The following SPRED1 variants were observed in gnomAD, a reference collection of about 807,000 sequenced individuals.
The protein encoded by SPRED1 is sprouty related EVH1 domain containing 1.
In SPRED1, 18 loss-of-function variants were observed where a neutral mutation model predicts 52.3. The ratio of observed to expected loss-of-function variants is 0.34; its 90% CI spans 0.24 to 0.51. SPRED1 has a LOEUF of 0.51. SPRED1 is among the 20% of genes least tolerant of loss of function. The pLI is 0.97. For missense variants in SPRED1, 485 were observed against 551.0 expected (o/e 0.88, Z 1.20); for synonymous variants, 155 against 179.7 (o/e 0.86, Z 1.10).
chr15:38,348,168 T>C (rs1215698860), intron 5 of SPRED1, among the ~76,000 whole-genome samples: 1 of 152,096 alleles, frequency 6.6e-6, no homozygotes, highest in African/African-American at 2.4e-5. Flanking sequence ...AATTGTTCTC[T>C]CTGCTTCCTT....
At chr15:38,259,088 T>C (rs984289245) in intron 1 of SPRED1, among the ~76,000 whole-genome samples, 2 of 152,046 alleles carry the variant, frequency 1.3e-5, no homozygotes, top group Non-Finnish European at 1.5e-5. Flanking sequence ...GACTTAAGAG[T>C]AGAAGTGGTA....
chr15:38,262,515 A>T (rs898001091), intron 1 of SPRED1, among the ~76,000 whole-genome samples: 6 of 152,222 alleles, frequency 3.9e-5, no homozygotes, highest in South Asian at 2.1e-4. Flanking sequence ...GGCAGAAGAC[A>T]AGCACAGAAA....
At chr15:38,321,820 C>G (rs1331728954) in intron 2 of SPRED1, among the ~76,000 whole-genome samples, 1 of 152,110 alleles carries the variant, frequency 6.6e-6, no homozygotes, top group Admixed American at 6.5e-5. Context: ...GTCTCAAACT[C>G]CTGATTTCAA....
chr15:38,287,220 C>T (rs866989715), intron 1 of SPRED1, among the ~76,000 whole-genome samples: 8 of 152,208 alleles, frequency 5.3e-5, no homozygotes, highest in Middle Eastern at 3.4e-3. Flanking sequence ...ACAGTTTTAC[C>T]TCCAGAAGAC....
At chr15:38,274,252 T>C (rs56168656) in intron 1 of SPRED1, among the ~76,000 whole-genome samples, 3,910 of 152,302 alleles carry the variant, frequency 0.026, 52 homozygotes, top group Middle Eastern at 0.041. Context: ...AAATTCTACA[T>C]GTAGGACCAG....
rs144301767 is a variant in SPRED1, at chr15:38,308,215, G to A, written c.207+8668G>A. 3.4e-3 allele frequency among the ~76,000 whole-genome samples: 516 copies of A among 152,262 alleles called. 2 individuals are homozygous for A. Among genetic ancestry groups the A allele is most frequent in the East Asian group, 0.022 (116 of 5,184 alleles). On this transcript the variant is annotated intron_variant, in intron 2 of 6. Coordinates refer to ENST00000299084, the MANE Select transcript of SPRED1 (RefSeq NM_152594.3). The stretch of plus-strand genomic sequence containing the variant: ...AATTGAAATTTTTGTTGAGATAATT[G>A]TAGATTATTAATTGCTATTGTAAGA...
rs187257576 is a variant in SPRED1 at position 38,318,945 on chromosome 15, C to G, written c.208-3296C>G. ...CTTTTTCTGTGAGTGTTGGGAGGCTCTAAACAATAGATGCCATTTGAAGAC... is the reference window on the plus strand; with the variant it reads ...CTTTTTCTGTGAGTGTTGGGAGGCTGTAAACAATAGATGCCATTTGAAGAC... On this transcript the variant is annotated intron_variant, in intron 2 of 6. Transcript: ENST00000299084. Among the ~76,000 whole-genome samples the G allele has an allele frequency of 3.9e-5, 6 of 152,098 alleles. No homozygotes were observed. In the East Asian group the frequency reaches 1.2e-3, roughly 29 times the overall value.
In SPRED1 at chr15:38,272,143, A is replaced by G. The variant is rs117946579; in HGVS notation, c.32+18926A>G. ...TATATGTACCACATTTCTTTAACCC[A>G]CTGTTAATGGGCATCTGGGTTGATT... On this transcript the variant is annotated intron_variant, in intron 1 of 6. Coordinates refer to ENST00000299084, the MANE Select transcript of SPRED1 (RefSeq NM_152594.3). 8.4e-3 allele frequency among the ~76,000 whole-genome samples: 1,276 copies of G among 151,846 alleles called. 7 individuals carry two copies. Among genetic ancestry groups the G allele is most frequent in the Non-Finnish European group, 0.014 (979 of 67,912 alleles).
chr15:38,297,489 C>G (rs919458467), intron 1 of SPRED1, among the ~76,000 whole-genome samples: 1 of 152,196 alleles, frequency 6.6e-6, no homozygotes, highest in African/African-American at 2.4e-5. Flanking sequence ...CGCACTTCCT[C>G]TGACTGTTTC....
intron 2 of SPRED1, among the ~76,000 whole-genome samples, chr15:38,314,992 A>G (rs987053013): frequency 2.0e-5 from 3 of 151,978 alleles, no homozygotes; most frequent in African/African-American, 7.2e-5. Flanking sequence ...ACACAGTGTT[A>G]AACACAAATT....
In SPRED1 at chr15:38,322,261, T is replaced by A. The variant is rs763749955; in HGVS notation, c.228T>A (p.Leu76=). The change falls in exon 3 of 7, where the codon CTT becomes CTA. Residue 76 remains leucine (L), a synonymous_variant. Transcript: ENST00000299084. ...RDKMVVLECM[L]KKDLIYNKVT... Reference sequence around the variant, plus strand: ...GTCAGGTGGTTTTGGAATGTATGCTTAAAAAAGACCTCATTTATAATAAGG... The same window carrying A: ...GTCAGGTGGTTTTGGAATGTATGCTAAAAAAAGACCTCATTTATAATAAGG... 1 of 1,613,822 alleles carries A rather than the reference T, an allele frequency of 6.2e-7. No homozygotes were observed. Among genetic ancestry groups the A allele is most frequent in the Non-Finnish European group, 8.5e-7 (1 of 1,179,870 alleles).
At position 38,344,248 on chromosome 15, in the gene SPRED1, C is replaced by G. The variant is rs574086953; in HGVS notation, c.582+4353C>G. Among the ~76,000 whole-genome samples, 144 of 152,252 alleles carry G rather than the reference C, an allele frequency of 9.5e-4. 1 individual carries two copies. Among genetic ancestry groups the G allele is most frequent in the Non-Finnish European group, 1.8e-3 (125 of 68,014 alleles). The stretch of plus-strand genomic sequence containing the variant: ...AGTATGCATATCCTGAACTAAGTCA[C>G]TGATTCATACAGTTGAGCAGGGAAA... On this transcript the variant is annotated intron_variant, in intron 5 of 6. Coordinates refer to ENST00000299084, the MANE Select transcript of SPRED1 (RefSeq NM_152594.3).
chr15:38,315,611 CTTT>C (rs10536726), intron 2 of SPRED1, among the ~76,000 whole-genome samples: 117,053 of 151,448 alleles, frequency 0.77, 46,697 homozygotes, highest in Non-Finnish European at 0.87. Flanking sequence ...CACCCTGGAA[CTTT>C]TTTCAGATGA....
At chr15:38,285,968 G>A (rs577293630) in intron 1 of SPRED1, among the ~76,000 whole-genome samples, 4 of 152,224 alleles carry the variant, frequency 2.6e-5, no homozygotes, top group African/African-American at 9.6e-5. Context: ...GATCAGGCAG[G>A]TGTGGAGGCT....
chr15:38,284,149 A>G (rs1046552565), intron 1 of SPRED1, among the ~76,000 whole-genome samples: 1 of 152,140 alleles, frequency 6.6e-6, no homozygotes, highest in Non-Finnish European at 1.5e-5. Flanking sequence ...GTACTATTTT[A>G]TACTATTTGG....
At chr15:38,254,295 A>G (rs903926381) in intron 1 of SPRED1, among the ~76,000 whole-genome samples, 2 of 152,184 alleles carry the variant, frequency 1.3e-5, no homozygotes, top group Non-Finnish European at 2.9e-5. Flanking sequence ...TAAAGTCTGT[A>G]CCGAGTCCTG....
At chr15:38,313,863 G>A (rs979084496) in intron 2 of SPRED1, among the ~76,000 whole-genome samples, 34 of 150,892 alleles carry the variant, frequency 2.3e-4, no homozygotes, top group Non-Finnish European at 8.9e-5. Flanking sequence ...TTTCCTTTTT[G>A]GCTTCTTGTT....
At chr15:38,316,226 T>G (rs1422664636) in intron 2 of SPRED1, among the ~76,000 whole-genome samples, 2 of 152,058 alleles carry the variant, frequency 1.3e-5, no homozygotes, top group African/African-American at 4.8e-5. Context: ...TCCCTTCATC[T>G]GTATCAGATT....
chr15:38,260,760 G>A (rs1480339810), intron 1 of SPRED1, among the ~76,000 whole-genome samples: 5 of 152,098 alleles, frequency 3.3e-5, no homozygotes, highest in Admixed American at 1.3e-4. Context: ...TGAGAAAGGG[G>A]TCATAAGCTT....
Sources: gnomAD v4.1 joint callset for allele counts (sites outside exome capture counted in the v4.1 genomes callset) on GRCh38, gnomAD v4.1.1 for gene constraint, MANE v1.5 for transcripts, NCBI Gene and HGNC (gene_info 2026-07-23, HGNC 2026-07-21) for gene names.